DCDC2: variants seen among roughly 807,000 people sequenced by gnomAD.
DCDC2 encodes doublecortin domain-containing protein 2.
A neutral mutation model predicts 50.2 loss-of-function variants in DCDC2; 40 were observed. That is an observed-to-expected ratio of 0.80 (90% CI 0.62 to 1.04). The LOEUF is 1.04. Ranked by LOEUF, DCDC2 falls within the 50% of genes least tolerant of loss-of-function variation. The pLI is 0.00. For synonymous variants in DCDC2, 234 were observed against 210.6 expected, an observed-to-expected ratio of 1.11 and a Z score of -0.96; for missense variants, 570 against 581.9, an observed-to-expected ratio of 0.98 and a Z score of 0.21.
At chr6:24,320,760 C>T (rs1759760071) in intron 2 of DCDC2, among the ~76,000 whole-genome samples, 1 of 152,006 alleles carries the variant, frequency 6.6e-6, no homozygotes, top group South Asian at 2.1e-4. Context: ...GTTCTGTCTA[C>T]TGAGAGGGCC....
At chr6:24,362,766 T>C (rs760843295), upstream of DCDC2, among the ~76,000 whole-genome samples, 36 of 152,180 alleles carry the variant, frequency 2.4e-4, no homozygotes, top group Non-Finnish European at 3.8e-4. Context: ...TCTCCACAAA[T>C]GGACCCTCAT....
chr6:24,273,563 G>A (rs807701), intron 7 of DCDC2, among the ~76,000 whole-genome samples: 84,490 of 152,150 alleles, frequency 0.56, 26,289 homozygotes, highest in East Asian at 0.78. Context: ...TCACCTTGGT[G>A]CCTTCTTACA....
chr6:24,235,386 T>C (rs1202054356), intron 7 of DCDC2, among the ~76,000 whole-genome samples: 1 of 152,074 alleles, frequency 6.6e-6, no homozygotes, highest in Admixed American at 6.6e-5. Context: ...TCCATAGATG[T>C]AAAAGTTCTC....
chr6:24,203,914 A>G (rs936363485), intron 8 of DCDC2, among the ~76,000 whole-genome samples: 4 of 152,242 alleles, frequency 2.6e-5, no homozygotes, highest in Admixed American at 2.6e-4. Context: ...TCATTAGAAA[A>G]ATGTAAATCA....
intron 2 of DCDC2, among the ~76,000 whole-genome samples, chr6:24,330,010 T>C (rs565471349): frequency 1.8e-3 from 277 of 152,308 alleles, no homozygotes; most frequent in Non-Finnish European, 3.3e-3. Context: ...AAAAGAATGA[T>C]ACTCCATCCA....
At chr6:24,380,707 G>A in the DCDC2 span, among the ~76,000 whole-genome samples, 1 of 152,144 alleles carries the variant, frequency 6.6e-6, no homozygotes. Context: ...AGAACCCCCG[G>A]GAGAATTGAT....
chr6:24,279,687 C>T (rs1403700457), intron 6 of DCDC2, among the ~76,000 whole-genome samples: 1 of 152,214 alleles, frequency 6.6e-6, no homozygotes, highest in Non-Finnish European at 1.5e-5. Flanking sequence ...TGGTGAGAGG[C>T]TGCAGGTAGT....
chr6:24,256,144 G>A (rs1285261692), intron 7 of DCDC2, among the ~76,000 whole-genome samples: 2 of 152,118 alleles, frequency 1.3e-5, no homozygotes, highest in African/African-American at 4.8e-5. Context: ...AACATAGTAT[G>A]TGGTTTTATT....
At chr6:24,355,771 A>C (rs1179631536) in intron 1 of DCDC2, among the ~76,000 whole-genome samples, 1 of 152,238 alleles carries the variant, frequency 6.6e-6, no homozygotes, top group Non-Finnish European at 1.5e-5. Flanking sequence ...CATGAAAAGA[A>C]TGTCTGACGT....
intron 7 of DCDC2, among the ~76,000 whole-genome samples, chr6:24,250,010 G>T (rs913621612): frequency 2.0e-5 from 3 of 152,280 alleles, no homozygotes; most frequent in African/African-American, 4.8e-5. Context: ...AGGCACTGAC[G>T]AGAGCAGTAT....
intron 7 of DCDC2, among the ~76,000 whole-genome samples, chr6:24,267,124 A>G (rs532831210): frequency 1.3e-5 from 2 of 152,342 alleles, no homozygotes; most frequent in African/African-American, 4.8e-5. Flanking sequence ...ACTCACGAAG[A>G]TACAGAGTAG....
chr6:24,308,444 AG>A (rs1759512993), intron 2 of DCDC2, among the ~76,000 whole-genome samples: 1 of 152,224 alleles, frequency 6.6e-6, no homozygotes, highest in African/African-American at 2.4e-5. Flanking sequence ...CAATAGAAGA[AG>A]GGGACATGCT....
chr6:24,183,633 T>G (rs1383074127), intron 8 of DCDC2, among the ~76,000 whole-genome samples: 1 of 152,170 alleles, frequency 6.6e-6, no homozygotes, highest in Non-Finnish European at 1.5e-5. Context: ...ATGGTCATTG[T>G]GGGACCCTGA....
intron 1 of DCDC2, among the ~76,000 whole-genome samples, chr6:24,356,421 A>C (rs770699115): frequency 1.1e-4 from 16 of 152,140 alleles, no homozygotes; most frequent in Admixed American, 7.2e-4. Flanking sequence ...GGAAACTGGG[A>C]GGTACAAATG....
chr6:24,295,109 A>G (rs1472406095), intron 4 of DCDC2, among the ~76,000 whole-genome samples: 1 of 152,220 alleles, frequency 6.6e-6, no homozygotes, highest in African/African-American at 2.4e-5. Flanking sequence ...CAGTACCTCA[A>G]AAAGCTAATC....
intron 6 of DCDC2, among the ~76,000 whole-genome samples, chr6:24,281,591 A>G (rs1763473709): frequency 6.7e-6 from 1 of 150,372 alleles, no homozygotes; most frequent in African/African-American, 2.4e-5. Context: ...ATATATATAA[A>G]TTATATACAC....
upstream of DCDC2, among the ~76,000 whole-genome samples, chr6:24,359,937 G>A (rs551731721): frequency 1.2e-4 from 18 of 152,324 alleles, no homozygotes; most frequent in African/African-American, 2.2e-4. Context: ...GCGGGCCCAG[G>A]AGGTGCCCTC....
rs1456354693 is a variant in DCDC2 at position 24,301,751 on chromosome 6, G to A, written c.521C>T (p.Thr174Ile). The A allele has an allele frequency of 2.5e-6, 4 of 1,614,068 alleles. No homozygotes were observed. In the South Asian group the frequency reaches 4.4e-5, roughly 18 times the overall value. ...CCCGCTCCTCAGAGTGATTTTTTCT[G>A]TGACCATTTGTAGTACATGATCCCA... The part of the protein sequence containing the change: ...NQWDHVLQMV[T>I]EKITLRSGAV... The change falls in exon 4 of 10, where the codon ACA (threonine) becomes ATA (isoleucine). Residue 174 changes from threonine (T) to isoleucine (I), a missense_variant. Coordinates refer to ENST00000378454, the MANE Select transcript of DCDC2 (RefSeq NM_016356.5).
intron 8 of DCDC2, among the ~76,000 whole-genome samples, chr6:24,189,188 T>C (rs1761264602): frequency 6.6e-6 from 1 of 152,062 alleles, no homozygotes; most frequent in South Asian, 2.1e-4. Context: ...AATGGTTGAT[T>C]TGTATGGGAA....
Sources: allele counts gnomAD v4.1 joint callset (sites outside exome capture counted in the v4.1 genomes callset), GRCh38; gene constraint gnomAD v4.1.1; transcripts MANE v1.5; gene names NCBI Gene and HGNC (gene_info 2026-07-23, HGNC 2026-07-21).